The following A2M variants were observed in gnomAD, a reference collection of about 807,000 sequenced individuals.
The protein encoded by A2M is alpha-2-macroglobulin.
A2M carries 128 observed loss-of-function variants against 183.9 expected under a neutral mutation model. The ratio of observed to expected loss-of-function variants is 0.70; its 90% CI spans 0.60 to 0.81. The LOEUF (loss-of-function observed/expected upper bound fraction) is 0.81. Ranked by LOEUF, A2M falls within the 30% of genes least tolerant of loss-of-function variation. A2M has a pLI of 0.00. For synonymous variants in A2M, 592 were observed against 670.8 expected (o/e 0.88, Z 1.81); for missense variants, 1,495 against 1,787.6 (o/e 0.84, Z 2.95).
chr12:9,089,865 T>C, intron 21 of A2M, 37 bp downstream of exon 21: 1 of 1,375,554 alleles, frequency 7.3e-7, no homozygotes. Context: ...ATATATTATA[T>C]ATTATTGTGG....
chr12:9,078,111 G>A (rs1436751534), intron 25 of A2M, among the ~76,000 whole-genome samples: 3 of 152,118 alleles, frequency 2.0e-5, no homozygotes, highest in Non-Finnish European at 4.4e-5. Flanking sequence ...TGTGCAGAAC[G>A]TGCAGGTTTG....
chr12:9,104,529 G>GA (rs35996014), intron 10 of A2M, 129 bp from the exon 11 acceptor site: 398,043 of 854,730 alleles, frequency 0.47, 99,038 homozygotes, highest in African/African-American at 0.73. Flanking sequence ...ACACAGCAGT[G>GA]AAAAAAAACG....
chr12:9,077,944 G>A (rs1948796681), intron 25 of A2M, 87 bp from the exon 26 acceptor site: 4 of 1,500,362 alleles, frequency 2.7e-6, no homozygotes, highest in Non-Finnish European at 3.7e-6. Context: ...TATGATGTGA[G>A]TTAGCTAACA....
chr12:9,099,074 T>G (rs1478660469), intron 14 of A2M, among the ~76,000 whole-genome samples: 3 of 152,228 alleles, frequency 2.0e-5, no homozygotes, highest in African/African-American at 7.2e-5. Flanking sequence ...TCTTGCATTT[T>G]TCTTTTGGCT....
Position 9,093,237 on chromosome 12 carries a change from GTGTGCTTGCTA to G in A2M, c.2240+217_2240+227del, listed in dbSNP as rs745684846. On this transcript the variant is annotated intron_variant, in intron 18 of 35. Coordinates refer to ENST00000318602, the MANE Select transcript of A2M (RefSeq NM_000014.6). ...ACTTGGCTAAGAGGATAGATTTTAG[GTGTGCTTGCTA>G]TGCACACAAAAATAGGTAACAATGT... is the stretch of plus-strand genomic sequence containing the variant. Among the ~76,000 whole-genome samples, 131 of 152,226 alleles carry G rather than the reference GTGTGCTTGCTA, an allele frequency of 8.6e-4. 1 individual carries two copies. The highest frequency in any genetic ancestry group is 3.0e-3 in the African/African-American group (126 of 41,532).
At position 9,074,621 on chromosome 12, in the gene A2M, G is replaced by GT. The variant is rs780369650; in HGVS notation, c.3694dup (p.Thr1232AsnfsTer122). 5.0e-6 allele frequency: 8 copies of GT among 1,613,934 alleles called. No homozygotes were observed. The highest frequency in any genetic ancestry group is 6.8e-6 in the Non-Finnish European group (8 of 1,179,954). On this transcript the variant is annotated frameshift_variant, in exon 29 of 36. Transcript: ENST00000318602. LOFTEE classifies it high-confidence loss of function. ...CTTCGTGATCCACTTCACGATGTTGGTTGCAGAGGTCAGGTCCTCCGAGGT... is the reference window on the plus strand; with the variant it reads ...CTTCGTGATCCACTTCACGATGTTGGTTTGCAGAGGTCAGGTCCTCCGAGGT...
Position 9,112,402 on chromosome 12 carries a change from T to C in A2M, c.405A>G (p.Lys135=). 1.2e-6 allele frequency: 2 copies of C among 1,614,022 alleles called. No homozygotes were observed. The highest frequency in any genetic ancestry group is 1.1e-5 in the South Asian group (1 of 91,074). ...CTGTCTGCCCTGGTTTGTAGATTGA[T>C]TTGTCTGTCTGGACAAAGACCAGAC... The part of the protein sequence containing the change: ...EDSLVFVQTD[K]SIYKPGQTVK... The change falls in exon 3 of 36, where the codon AAA becomes AAG. Residue 135 remains lysine, a synonymous_variant. Transcript: ENST00000318602.
At chr12:9,113,041 T>C (rs1938859642) in intron 2 of A2M, among the ~76,000 whole-genome samples, 1 of 152,142 alleles carries the variant, frequency 6.6e-6, no homozygotes, top group Non-Finnish European at 1.5e-5. Context: ...TGGCTCATGT[T>C]GAGCCTTGGT....
chr12:9,098,550 C>T, intron 15 of A2M, 57 bp downstream of exon 15: 1 of 1,535,738 alleles, frequency 6.5e-7, no homozygotes, highest in Non-Finnish European at 8.8e-7. Flanking sequence ...GTCATTTTTC[C>T]TTGCTCTGAG....
chr12:9,091,065 C>T (rs1021877564), intron 19 of A2M, 136 bp downstream of exon 19: 75 of 1,177,662 alleles, frequency 6.4e-5, no homozygotes, highest in Non-Finnish European at 8.7e-5. Flanking sequence ...TTGGAGATCT[C>T]AAAACCTGTA....
At chr12:9,095,287 A>G (rs763693332) in intron 16 of A2M, among the ~76,000 whole-genome samples, 28 of 152,346 alleles carry the variant, frequency 1.8e-4, no homozygotes, top group Non-Finnish European at 1.8e-4. Flanking sequence ...ATTATTTTGT[A>G]TATGTGATTT....
chr12:9,070,603 T>A, intron 31 of A2M, 25 bp from the exon 32 acceptor site: 3 of 1,541,206 alleles, frequency 1.9e-6, no homozygotes, highest in Non-Finnish European at 2.7e-6. Flanking sequence ...GAGGAAAGGA[T>A]TAGGGTTTTC....
intron 4 of A2M, among the ~76,000 whole-genome samples, chr12:9,110,687 C>T (rs1253515635): frequency 6.6e-6 from 1 of 151,736 alleles, no homozygotes; most frequent in East Asian, 1.9e-4. Context: ...AATATATATA[C>T]CTGCTATGTT....
chr12:9,090,805 G>A (rs1949187659), intron 19 of A2M, among the ~76,000 whole-genome samples: 1 of 152,172 alleles, frequency 6.6e-6, no homozygotes, highest in South Asian at 2.1e-4. Flanking sequence ...GAGGATACAA[G>A]ACTTATAAAC....
Position 9,080,116 on chromosome 12 carries a change from G to C in A2M, c.2832C>G (p.Ala944=), listed in dbSNP as rs754420656. ...KLPPNVVEES[A]RASVSVLGDI... is the part of the protein sequence containing the mutation. ...CACCCAAAACTGAGACAGAAGCTCG[G>C]GCAGATTCTTCTACCACATTTGGTG... Residue 944 remains alanine, a synonymous_variant, in exon 23 of 36, where the codon GCC becomes GCG. Coordinates refer to ENST00000318602, the MANE Select transcript of A2M (RefSeq NM_000014.6). 44 of 1,589,026 alleles carry C rather than the reference G, an allele frequency of 2.8e-5. No individual in the cohort carries two copies. The highest frequency in any genetic ancestry group is 3.4e-5 in the Non-Finnish European group (40 of 1,167,094).
intron 18 of A2M, among the ~76,000 whole-genome samples, chr12:9,093,227 T>C (rs1949264442): frequency 6.6e-6 from 1 of 152,138 alleles, no homozygotes; most frequent in East Asian, 1.9e-4. Flanking sequence ...GCTAAGAGGA[T>C]AGATTTTAGG....
At chr12:9,112,268 T>C (rs1592397579) in intron 3 of A2M, 57 bp from the exon 4 acceptor site, 2 of 1,609,188 alleles carry the variant, frequency 1.2e-6, no homozygotes, top group Admixed American at 3.3e-5. Context: ...TGTAGGCTGG[T>C]AAGACAAGCT....
chr12:9,101,211 C>CA lies in A2M; in HGVS notation c.1495-5dup, dbSNP rs1371904114. 1 of 1,555,774 alleles carries CA rather than the reference C, an allele frequency of 6.4e-7. No individual in the cohort carries two copies. Among genetic ancestry groups the CA allele is most frequent in the Non-Finnish European group, 8.7e-7 (1 of 1,149,122 alleles). On this transcript the variant is annotated splice_region_variant and splice_polypyrimidine_tract_variant and intron_variant, in intron 12 of 35. Coordinates refer to ENST00000318602, the MANE Select transcript of A2M (RefSeq NM_000014.6). ...CAATGCCTCCCTTTGCCATTATCTGCAAAAAAGGAAATAAAAAGAAATTAA... is the reference window on the plus strand; with the variant it reads ...CAATGCCTCCCTTTGCCATTATCTGCAAAAAAAGGAAATAAAAAGAAATTAA...
intron 32 of A2M, among the ~76,000 whole-genome samples, 196 bp from the exon 33 acceptor site, chr12:9,070,009 T>C (rs1948519178): frequency 6.6e-6 from 1 of 152,356 alleles, no homozygotes. Flanking sequence ...ACACGACTAA[T>C]GTGTAAAGTT....
Sources: allele counts gnomAD v4.1 joint callset (sites outside exome capture counted in the v4.1 genomes callset), GRCh38; gene constraint gnomAD v4.1.1; transcripts MANE v1.5; gene names NCBI Gene and HGNC (gene_info 2026-07-23, HGNC 2026-07-21).